HSPA13: variants seen among roughly 807,000 people sequenced by gnomAD.
HSPA13 encodes heat shock 70 kDa protein 13.
In HSPA13, 29 loss-of-function variants were observed where a neutral mutation model predicts 38.8. The ratio of observed to expected loss-of-function variants is 0.75; its 90% CI spans 0.56 to 1.02. The LOEUF is 1.02. Ranked by LOEUF, HSPA13 falls within the 50% of genes least tolerant of loss-of-function variation. The pLI, the probability that HSPA13 is intolerant of heterozygous loss-of-function variation, is 0.00. For missense variants in HSPA13, 451 were observed against 560.9 expected, an observed-to-expected ratio of 0.80 and a Z score of 1.98; for synonymous variants, 192 against 205.3, an observed-to-expected ratio of 0.94 and a Z score of 0.56.
At chr21:14,379,673 A>G (rs1984116948) in intron 2 of HSPA13, among the ~76,000 whole-genome samples, 1 of 152,228 alleles carries the variant, frequency 6.6e-6, no homozygotes, top group South Asian at 2.1e-4. Context: ...AATCCCAAAA[A>G]AGAAGTCAAA....
At chr21:14,376,113 A>C (rs1455441104) in intron 3 of HSPA13, among the ~76,000 whole-genome samples, 24 of 152,230 alleles carry the variant, frequency 1.6e-4, no homozygotes, top group Admixed American at 1.2e-3. Context: ...AAAGTCTCCC[A>C]GCCTTTTCTA....
chr21:14,375,234 C>A (rs1983989209), intron 4 of HSPA13, among the ~76,000 whole-genome samples: 1 of 152,122 alleles, frequency 6.6e-6, no homozygotes, highest in South Asian at 2.1e-4. Context: ...TTCACCATCA[C>A]CATGAAAAGT....
intron 4 of HSPA13, among the ~76,000 whole-genome samples, chr21:14,374,920 A>C (rs1033713697): frequency 5.9e-5 from 9 of 152,194 alleles, no homozygotes; most frequent in Non-Finnish European, 1.0e-4. Context: ...AAATAATTTC[A>C]AAGGAAAAGA....
intron 2 of HSPA13, among the ~76,000 whole-genome samples, chr21:14,380,235 C>A (rs1984134324): frequency 1.4e-5 from 2 of 145,268 alleles, no homozygotes; most frequent in Admixed American, 6.8e-5. Flanking sequence ...AGTCTAAAAT[C>A]AAAAATTTAA....
intron 4 of HSPA13, among the ~76,000 whole-genome samples, chr21:14,374,906 A>T (rs1309462531): frequency 3.3e-5 from 5 of 152,184 alleles, no homozygotes; most frequent in African/African-American, 4.8e-5. Flanking sequence ...CCTGAAAACT[A>T]GATAAATAAT....
chr21:14,377,982 T>G (rs1261199413), intron 3 of HSPA13, among the ~76,000 whole-genome samples: 1 of 152,252 alleles, frequency 6.6e-6, no homozygotes, highest in Non-Finnish European at 1.5e-5. Context: ...GACTTCACCC[T>G]GTGATAGTGT....
Position 14,373,793 on chromosome 21 carries a change from T to A in HSPA13, c.1240A>T (p.Ile414Phe). The part of the protein sequence containing the change: ...LVGGSTRIPR[I>F]RQVIQEFFGK... ...AAGAACTCTTGAATGACTTGACGGA[T>A]CCGAGGAATACGAGTGGAGCCCCCA... Residue 414 changes from isoleucine to phenylalanine, a missense_variant, in exon 5 of 5, where the codon ATC (isoleucine) becomes TTC (phenylalanine). Coordinates refer to ENST00000285667, the MANE Select transcript of HSPA13 (RefSeq NM_006948.5). 1 of 1,614,190 alleles carries A rather than the reference T, an allele frequency of 6.2e-7. No individual in the cohort carries two copies. Among genetic ancestry groups the A allele is most frequent in the Non-Finnish European group, 8.5e-7 (1 of 1,180,022 alleles).
chr21:14,372,818 T>C lies in HSPA13; in HGVS notation c.*799A>G, dbSNP rs1982858106. The C allele has an allele frequency of 6.6e-6, 1 of 152,178 alleles. No individual in the cohort carries two copies. Among genetic ancestry groups the C allele is most frequent in the African/African-American group, 2.4e-5 (1 of 41,460 alleles). The allele number at this position is 152,178 out of a possible 1,614,324, so 9.4% of individuals were successfully genotyped here. The stretch of plus-strand genomic sequence containing the variant: ...AAAAATAAGATAGCAATCATGGCTT[T>C]ATTATGACATTAACACATTCTTCAA... On this transcript the variant is annotated 3_prime_UTR_variant, in exon 5 of 5. Transcript: ENST00000285667.
Position 14,380,161 on chromosome 21 carries a change from G to T in HSPA13, c.366+1042C>A, listed in dbSNP as rs190215734. ...AATCCAAACCAACAAATACATAAAC[G>T]TATTAAGAGGGAAAAAAAAGTAGCA... On this transcript the variant is annotated intron_variant, in intron 2 of 4. Coordinates refer to ENST00000285667, the MANE Select transcript of HSPA13 (RefSeq NM_006948.5). Among the ~76,000 whole-genome samples the T allele has an allele frequency of 4.1e-5, 6 of 147,642 alleles. No homozygotes were observed. The East Asian group carries it at 1.2e-3, about 29-fold the overall frequency.
At chr21:14,377,985 G>C (rs1212409006) in intron 3 of HSPA13, among the ~76,000 whole-genome samples, 1 of 152,242 alleles carries the variant, frequency 6.6e-6, no homozygotes, top group Non-Finnish European at 1.5e-5. Context: ...TTCACCCTGT[G>C]ATAGTGTGAG....
At chr21:14,381,135 A>T (rs1984157556) in intron 2 of HSPA13, 68 bp downstream of exon 2, 3 of 1,170,220 alleles carry the variant, frequency 2.6e-6, no homozygotes, top group East Asian at 4.7e-5. Flanking sequence ...ATGTTTTGTG[A>T]CATGAAGCCA....
Position 14,378,356 on chromosome 21 carries a change from T to A in HSPA13, c.423A>T (p.Thr141=), listed in dbSNP as rs763857641. ...GAGAGCCAACATATTCTGGGGACAC[T>A]GTGATGGTCTCATTACTTGTCACAG... ...EFSVTSNETI[T]VSPEYVGSRL... The change falls in exon 3 of 5, where the codon ACA becomes ACT. Residue 141 remains threonine, a synonymous_variant. Coordinates refer to ENST00000285667, the MANE Select transcript of HSPA13 (RefSeq NM_006948.5). The A allele has an allele frequency of 1.5e-5, 24 of 1,614,072 alleles. No individual in the cohort carries two copies. In the African/African-American group the frequency reaches 3.1e-4, roughly 21 times the overall value.
intron 4 of HSPA13, among the ~76,000 whole-genome samples, chr21:14,374,522 G>C (rs1224559904): frequency 6.6e-6 from 1 of 152,098 alleles, no homozygotes; most frequent in African/African-American, 2.4e-5. Flanking sequence ...TTGAGGCCAG[G>C]AGTTGGAGAC....
chr21:14,381,298 T>G lies in HSPA13; in HGVS notation c.271A>C (p.Asn91His), dbSNP rs977243768. ...GYESVELADS[N>H]PQNTIYDAKR... is the part of the protein sequence containing the mutation. Reference sequence around the variant, plus strand: ...GCATCATATATTGTGTTTTGAGGATTTGAATCTGCCAGCTCTACGCTTTCA... The same window carrying G: ...GCATCATATATTGTGTTTTGAGGATGTGAATCTGCCAGCTCTACGCTTTCA... Residue 91 changes from asparagine (N) to histidine (H), a missense_variant, in exon 2 of 5, where the codon AAT becomes CAT. Asn to His is a moderately conservative substitution (Grantham distance 68). Transcript: ENST00000285667. The G allele has an allele frequency of 6.2e-7, 1 of 1,614,160 alleles. No homozygotes were observed.
At position 14,373,709 on chromosome 21, in the gene HSPA13, T is replaced by G. The variant is rs1331134500; in HGVS notation, c.1324A>C (p.Ile442Leu). 6.2e-7 allele frequency: 1 copy of G among 1,614,168 alleles called. No individual in the cohort carries two copies. Reference protein sequence around the residue: ...PDLAVVTGVAIQAGIDGGSWP... With the variant: ...PDLAVVTGVALQAGIDGGSWP... ...GAGCCTCCATCAATCCCTGCTTGGATAGCCACTCCCGTTACTACTGCTAGG... is the reference window on the plus strand; with the variant it reads ...GAGCCTCCATCAATCCCTGCTTGGAGAGCCACTCCCGTTACTACTGCTAGG... The change falls in exon 5 of 5, where the codon ATC (isoleucine) becomes CTC (leucine). Residue 442 changes from isoleucine to leucine, a missense_variant. Ile to Leu is a conservative substitution (Grantham distance 5, BLOSUM62 2). Transcript: ENST00000285667.
intron 3 of HSPA13, among the ~76,000 whole-genome samples, chr21:14,377,876 A>G (rs1371313767): frequency 1.3e-5 from 2 of 152,234 alleles, no homozygotes; most frequent in African/African-American, 4.8e-5. Context: ...GCCTTCGGCC[A>G]TAGACTAAAA....
Position 14,375,785 on chromosome 21 carries a change from T to C in HSPA13, c.615A>G (p.Thr205=). Residue 205 remains threonine, a synonymous_variant, in exon 4 of 5, where the codon ACA becomes ACG. Transcript: ENST00000285667. The part of the protein sequence containing the change: ...LKILRVINEP[T]AAAMAYGLHK... ...GGAGACCATAGGCCATAGCTGCTGC[T>C]GTGGGTTCATTTATTACCCTCAAAA... is the stretch of plus-strand genomic sequence containing the variant. 1 of 1,614,032 alleles carries C rather than the reference T, an allele frequency of 6.2e-7. No homozygotes were observed. Among genetic ancestry groups the C allele is most frequent in the Non-Finnish European group, 8.5e-7 (1 of 1,179,932 alleles).
chr21:14,381,952 CT>C (rs1445106857), intron 1 of HSPA13, among the ~76,000 whole-genome samples: 7 of 152,094 alleles, frequency 4.6e-5, no homozygotes, highest in African/African-American at 1.7e-4. Context: ...CTTCGATTAT[CT>C]TTTTTTAAAA....
At chr21:14,381,094 T>C in intron 2 of HSPA13, 109 bp downstream of exon 2, 3 of 819,924 alleles carry the variant, frequency 3.7e-6, no homozygotes, top group South Asian at 3.6e-5. Context: ...AGAACTTTCA[T>C]GTATTAATAG....
Sources: gnomAD v4.1 joint callset for allele counts (sites outside exome capture counted in the v4.1 genomes callset) on GRCh38, gnomAD v4.1.1 for gene constraint, MANE v1.5 for transcripts, NCBI Gene and HGNC (gene_info 2026-07-23, HGNC 2026-07-21) for gene names.